The following MPP7 variants were observed in gnomAD, a reference collection of about 807,000 sequenced individuals.
MPP7 encodes the protein MAGUK p55 scaffold protein 7, also known as MAGUK p55 subfamily member 7.
Under a neutral mutation model 76.5 loss-of-function variants are expected in MPP7, and 60 were observed. The observed-to-expected ratio is 0.78, with a 90% confidence interval of 0.64 to 0.97. MPP7 has a LOEUF of 0.97. MPP7 is among the 50% of genes least tolerant of loss of function. The pLI, the probability that MPP7 is intolerant of heterozygous loss-of-function variation, is 0.00. For missense variants in MPP7, 641 were observed against 694.0 expected, an observed-to-expected ratio of 0.92 and a Z score of 0.86; for synonymous variants, 237 against 244.5, an observed-to-expected ratio of 0.97 and a Z score of 0.29.
chr10:28,262,277 A>ATTTTTT (rs1195166638), intron 1 of MPP7, among the ~76,000 whole-genome samples: 10 of 54,332 alleles, frequency 1.8e-4, no homozygotes, highest in African/African-American at 7.5e-4. Flanking sequence ...ATATATATAT[A>ATTTTTT]TTTTTTTTTT....
At chr10:28,057,605 CTTTTTTTT>C (rs59550501) in intron 15 of MPP7, 46 of 122,582 alleles carry the variant, frequency 3.8e-4, no homozygotes, top group African/African-American at 1.6e-3. Context: ...AATTAAACCT[CTTTTTTTT>C]TTTTTTTTTT....
intron 11 of MPP7, among the ~76,000 whole-genome samples, chr10:28,113,777 C>T (rs758377580): frequency 4.6e-5 from 7 of 152,180 alleles, no homozygotes; most frequent in African/African-American, 7.2e-5. Context: ...TGGACCCATG[C>T]CATCTGGCTC....
At chr10:28,128,292 C>T (rs1052935419) in intron 6 of MPP7, among the ~76,000 whole-genome samples, 1 of 152,052 alleles carries the variant, frequency 6.6e-6, no homozygotes, top group Non-Finnish European at 1.5e-5. Context: ...ATTTTCTTTT[C>T]AGATTTGGGC....
At chr10:28,202,798 A>G (rs1837821048) in intron 2 of MPP7, 1 of 152,226 alleles carries the variant, frequency 6.6e-6, no homozygotes, top group African/African-American at 2.4e-5. Flanking sequence ...AAAAGAAATC[A>G]TAAATGGTTC....
chr10:28,154,397 G>C (rs2985527), intron 3 of MPP7, among the ~76,000 whole-genome samples: 150,921 of 152,296 alleles, frequency 0.99, 74,783 homozygotes, highest in East Asian at 1. Flanking sequence ...AAAATGTAAA[G>C]AAATAAAGCC....
At chr10:28,271,758 G>A (rs1840332797) in intron 1 of MPP7, among the ~76,000 whole-genome samples, 2 of 152,080 alleles carry the variant, frequency 1.3e-5, no homozygotes, top group African/African-American at 2.4e-5. Context: ...GGTGGATCAC[G>A]AGGTCAGGAG....
intron 1 of MPP7, among the ~76,000 whole-genome samples, chr10:28,294,394 T>C (rs1039910737): frequency 6.6e-6 from 1 of 152,212 alleles, no homozygotes; most frequent in Non-Finnish European, 1.5e-5. Flanking sequence ...AGGTACTTCC[T>C]GTCATTCAGC....
intron 3 of MPP7, among the ~76,000 whole-genome samples, chr10:28,198,392 T>C (rs1303738653): frequency 1.3e-5 from 2 of 152,080 alleles, no homozygotes; most frequent in Non-Finnish European, 2.9e-5. Flanking sequence ...CTGGCCAACA[T>C]GGTGAAACCC....
At chr10:28,275,978 G>T (rs1024955261) in intron 1 of MPP7, among the ~76,000 whole-genome samples, 1 of 151,094 alleles carries the variant, frequency 6.6e-6, no homozygotes, top group African/African-American at 2.4e-5. Context: ...TAGTAGGTCT[G>T]CAATAAAGAT....
intron 1 of MPP7, among the ~76,000 whole-genome samples, chr10:28,244,744 C>CT (rs1469468950): frequency 6.6e-6 from 1 of 152,186 alleles, no homozygotes; most frequent in Non-Finnish European, 1.5e-5. Context: ...TTCAAGGCTG[C>CT]TAGGAAAGTC....
intron 3 of MPP7, among the ~76,000 whole-genome samples, chr10:28,195,114 C>T (rs1346594341): frequency 6.6e-6 from 1 of 152,102 alleles, no homozygotes; most frequent in African/African-American, 2.4e-5. Flanking sequence ...AGAAGACATA[C>T]AAATAGCCAA....
intron 11 of MPP7, among the ~76,000 whole-genome samples, chr10:28,098,013 T>C (rs1041589774): frequency 6.6e-6 from 1 of 152,224 alleles, no homozygotes. Context: ...TTCTCGACAT[T>C]GCATTTGTAA....
At chr10:28,160,504 A>G (rs964391711) in intron 3 of MPP7, among the ~76,000 whole-genome samples, 2 of 152,138 alleles carry the variant, frequency 1.3e-5, no homozygotes, top group Non-Finnish European at 2.9e-5. Flanking sequence ...ACTCAGTGAA[A>G]AAAGCAAACA....
chr10:28,142,992 T>C (rs1835573895), intron 5 of MPP7, among the ~76,000 whole-genome samples: 2 of 152,158 alleles, frequency 1.3e-5, no homozygotes, highest in African/African-American at 4.8e-5. Flanking sequence ...ATGTGCATCA[T>C]AGTGTTATTT....
intron 12 of MPP7, among the ~76,000 whole-genome samples, chr10:28,070,532 C>T (rs2133367699): frequency 6.6e-6 from 1 of 152,270 alleles, no homozygotes; most frequent in Admixed American, 6.5e-5. Context: ...GTTAATAAAA[C>T]AAAACCTTTC....
At chr10:28,222,439 G>A (rs1217958766) in intron 2 of MPP7, among the ~76,000 whole-genome samples, 1 of 152,108 alleles carries the variant, frequency 6.6e-6, no homozygotes, top group Admixed American at 6.5e-5. Context: ...AGCCCTGATT[G>A]CGCCAATGCA....
chr10:28,262,600 T>C (rs1051359686), intron 1 of MPP7, among the ~76,000 whole-genome samples: 2 of 152,104 alleles, frequency 1.3e-5, no homozygotes, highest in Admixed American at 6.6e-5. Flanking sequence ...TTTAATCTGA[T>C]GAAAACTATG....
At chr10:28,210,582 G>A (rs1190930570) in intron 2 of MPP7, among the ~76,000 whole-genome samples, 1 of 152,114 alleles carries the variant, frequency 6.6e-6, no homozygotes, top group Non-Finnish European at 1.5e-5. Context: ...AAAGTACATA[G>A]TGGGCAAAAA....
At chr10:28,281,653 G>A (rs1332878285) in intron 1 of MPP7, among the ~76,000 whole-genome samples, 1 of 152,044 alleles carries the variant, frequency 6.6e-6, no homozygotes, top group African/African-American at 2.4e-5. Context: ...CTGACCTTTG[G>A]TATGTGCCAG....
Sources: allele counts gnomAD v4.1 joint callset (sites outside exome capture counted in the v4.1 genomes callset), GRCh38; gene constraint gnomAD v4.1.1; transcripts MANE v1.5; gene names NCBI Gene and HGNC (gene_info 2026-07-23, HGNC 2026-07-21).